RNF169: variants seen among roughly 807,000 people sequenced by gnomAD.
RNF169 encodes the protein E3 ubiquitin-protein ligase RNF169.
RNF169 carries 24 observed loss-of-function variants against 53.9 expected under a neutral mutation model. That is an observed-to-expected ratio of 0.45 (90% CI 0.32 to 0.63). RNF169 has a LOEUF of 0.63. Among genes scored for constraint, RNF169 ranks in the 20% least tolerant of loss-of-function variants. RNF169 has a pLI of 0.04. For missense variants in RNF169, 883 were observed against 906.2 expected (o/e 0.97, Z 0.33); for synonymous variants, 396 against 363.5 (o/e 1.09, Z -1.02).
chr11:74,749,440 G>A, intron 1 of RNF169, 58 bp downstream of exon 1: 1 of 1,200,086 alleles, frequency 8.3e-7, no homozygotes, highest in Non-Finnish European at 1.0e-6. Context: ...GCCCCGGCCC[G>A]GCCTGGTGAG....
rs777597014 is a variant in RNF169 at position 74,836,352 on chromosome 11, G to C, written c.1749G>C (p.Leu583Phe). ...CAGTGCTACCCCAAAACAGTGTTTT[G>C]GGTGGAGTCCTCAAAACAAAGCAAC... ...VNSVLPQNSV[L>F]GGVLKTKQQL... Residue 583 changes from leucine (L) to phenylalanine (F), a missense_variant, in exon 6 of 6, where the codon TTG becomes TTC. Around this residue, in one of 3 missense-constraint regions of RNF169, gnomAD observed 351 missense variants for 337.3 expected, o/e 1.04. Coordinates refer to ENST00000299563, the MANE Select transcript of RNF169 (RefSeq NM_001098638.2). The C allele has an allele frequency of 6.2e-7, 1 of 1,614,146 alleles. No homozygotes were observed. The highest frequency in any genetic ancestry group is 1.1e-5 in the South Asian group (1 of 91,074).
intron 1 of RNF169, among the ~76,000 whole-genome samples, chr11:74,750,588 C>CTTTTTTTTTT (rs71036015): frequency 1.8e-5 from 1 of 54,500 alleles, no homozygotes; most frequent in Non-Finnish European, 2.9e-5. Context: ...CTCCCCTCAC[C>CTTTTTTTTTT]TTTTTTTTTT....
chr11:74,841,985 A>C lies in RNF169; in HGVS notation c.*5255A>C, dbSNP rs922242222. 2 of 151,978 alleles carry C rather than the reference A, an allele frequency of 1.3e-5. No homozygotes were observed. The highest frequency in any genetic ancestry group is 2.1e-4 in the South Asian group (1 of 4,832). 9.4% of individuals were successfully genotyped at this position (151,978 alleles called of 1,614,324 possible). A position where few individuals can be genotyped will look rare whatever the true frequency, so the allele number is the denominator to read the frequency against. On this transcript the variant is annotated 3_prime_UTR_variant, in exon 6 of 6. Transcript: ENST00000299563. Reference sequence around the variant, plus strand: ...GAATAGATACTATGCAAGGGAAAAAAATTTAAATGCCAACGAATAGTTTTT... The same window carrying C: ...GAATAGATACTATGCAAGGGAAAAACATTTAAATGCCAACGAATAGTTTTT...
At position 74,835,536 on chromosome 11, in the gene RNF169, T is replaced by C. The variant is rs375236886; in HGVS notation, c.943-10T>C. On this transcript the variant is annotated splice_polypyrimidine_tract_variant and intron_variant, in intron 5 of 5. Transcript: ENST00000299563. ...GTGTATGAAGGCATAATCTTTTTAATCTCTTTCAGGTCACAACTATGACTC... is the reference window on the plus strand; with the variant it reads ...GTGTATGAAGGCATAATCTTTTTAACCTCTTTCAGGTCACAACTATGACTC... 1 of 1,602,450 alleles carries C rather than the reference T, an allele frequency of 6.2e-7. No homozygotes were observed. The highest frequency in any genetic ancestry group is 8.5e-7 in the Non-Finnish European group (1 of 1,171,222).
intron 3 of RNF169, 54 bp downstream of exon 3, chr11:74,810,384 C>G: frequency 1.3e-6 from 2 of 1,554,984 alleles, no homozygotes; most frequent in South Asian, 1.1e-5. Context: ...GTGGTTAGCC[C>G]AGGTGACCTG....
intron 4 of RNF169, among the ~76,000 whole-genome samples, chr11:74,834,231 T>C (rs955846388): frequency 6.6e-6 from 1 of 152,206 alleles, no homozygotes; most frequent in Admixed American, 6.5e-5. Context: ...ACTCTGTACA[T>C]AGAGATCTAA....
At chr11:74,794,663 T>G (rs1240650510) in intron 2 of RNF169, among the ~76,000 whole-genome samples, 1 of 152,138 alleles carries the variant, frequency 6.6e-6, no homozygotes, top group Non-Finnish European at 1.5e-5. Flanking sequence ...TATGCCAATA[T>G]TGAGACCTTC....
chr11:74,773,224 C>G (rs1290805292), intron 1 of RNF169, among the ~76,000 whole-genome samples: 1 of 152,118 alleles, frequency 6.6e-6, no homozygotes, highest in African/African-American at 2.4e-5. Flanking sequence ...GCTGCAATAT[C>G]TGGCATATAG....
At position 74,841,997 on chromosome 11, in the gene RNF169, A is replaced by G. The variant is rs2036622676; in HGVS notation, c.*5267A>G. ...TGCAAGGGAAAAAAATTTAAATGCC[A>G]ACGAATAGTTTTTTTTTTTTTGAAC... is the stretch of plus-strand genomic sequence containing the variant. On this transcript the variant is annotated 3_prime_UTR_variant, in exon 6 of 6. Transcript: ENST00000299563. The G allele has an allele frequency of 6.6e-6, 1 of 151,154 alleles. No homozygotes were observed. The highest frequency in any genetic ancestry group is 2.5e-5 in the African/African-American group (1 of 40,428). The allele number at this position is 151,154 out of a possible 1,614,324, so 9.4% of individuals were successfully genotyped here. A position where few individuals can be genotyped will look rare whatever the true frequency, so the allele number is the denominator to read the frequency against.
At chr11:74,815,138 C>T (rs1261447552) in intron 3 of RNF169, among the ~76,000 whole-genome samples, 1 of 151,288 alleles carries the variant, frequency 6.6e-6, no homozygotes, top group Non-Finnish European at 1.5e-5. Context: ...TACCTTGGGG[C>T]TTATTTTTAT....
At chr11:74,768,521 C>G (rs749761227) in intron 1 of RNF169, among the ~76,000 whole-genome samples, 25 of 151,598 alleles carry the variant, frequency 1.6e-4, no homozygotes, top group Middle Eastern at 3.4e-3. Context: ...ACAGGAGATT[C>G]GCTTTAACCT....
At chr11:74,750,182 A>G (rs1201614809) in intron 1 of RNF169, among the ~76,000 whole-genome samples, 1 of 152,196 alleles carries the variant, frequency 6.6e-6, no homozygotes, top group Non-Finnish European at 1.5e-5. Flanking sequence ...GCAGCCTGCT[A>G]TTCCTCGGTT....
At position 74,817,679 on chromosome 11, in the gene RNF169, C is replaced by T. The variant is rs573919404; in HGVS notation, c.807C>T (p.Ser269=). The change falls in exon 4 of 6, where the codon TCC becomes TCT. Residue 269 remains serine (S), a synonymous_variant. Transcript: ENST00000299563. Reference sequence around the variant, plus strand: ...AGACACATCGCTCGGCATTTGTTTCCAAGAACAACTCCTACTCCTTAGCTT... The same window carrying T: ...AGACACATCGCTCGGCATTTGTTTCTAAGAACAACTCCTACTCCTTAGCTT... ...MTQTHRSAFV[S]KNNSYSLAFL... The T allele has an allele frequency of 1.2e-6, 2 of 1,613,104 alleles. No homozygotes were observed. The highest frequency in any genetic ancestry group is 2.2e-5 in the East Asian group (1 of 44,878).
At chr11:74,791,451 G>A (rs1565178276) in intron 2 of RNF169, among the ~76,000 whole-genome samples, 1 of 152,208 alleles carries the variant, frequency 6.6e-6, no homozygotes, top group Non-Finnish European at 1.5e-5. Flanking sequence ...TACCCACAGT[G>A]CCCGGGCTGT....
At chr11:74,791,304 C>T (rs2035576809) in intron 2 of RNF169, among the ~76,000 whole-genome samples, 1 of 146,588 alleles carries the variant, frequency 6.8e-6, no homozygotes, top group Admixed American at 6.7e-5. Context: ...GGAAAAAGCA[C>T]TGTAAGTTCT....
At chr11:74,823,944 G>T (rs2036055215) in intron 4 of RNF169, among the ~76,000 whole-genome samples, 1 of 152,052 alleles carries the variant, frequency 6.6e-6, no homozygotes, top group African/African-American at 2.4e-5. Flanking sequence ...CCCAGGGGTG[G>T]GGAGAGAATC....
chr11:74,810,926 A>T (rs1029614129), intron 3 of RNF169, among the ~76,000 whole-genome samples: 3 of 152,220 alleles, frequency 2.0e-5, no homozygotes, highest in African/African-American at 7.2e-5. Flanking sequence ...ACCCAAATGG[A>T]TAATCACAAT....
chr11:74,816,394 G>GT (rs1402929806), intron 3 of RNF169, among the ~76,000 whole-genome samples: 1 of 152,164 alleles, frequency 6.6e-6, no homozygotes, highest in Non-Finnish European at 1.5e-5. Context: ...AGTGTGATTA[G>GT]TTGCTATCCA....
intron 4 of RNF169, among the ~76,000 whole-genome samples, chr11:74,827,428 T>C (rs1362928271): frequency 6.6e-6 from 1 of 152,242 alleles, no homozygotes. Context: ...GAAGACATTT[T>C]CCCCATTGTC....
Sources: allele counts gnomAD v4.1 joint callset (sites outside exome capture counted in the v4.1 genomes callset), GRCh38; gene constraint gnomAD v4.1.1; regional missense constraint gnomAD v4.1.1; transcripts MANE v1.5; gene names NCBI Gene and HGNC (gene_info 2026-07-23, HGNC 2026-07-21).